Variants in IER5 observed in about 807,000 individuals in gnomAD.
IER5 encodes the protein immediate early response gene 5 protein.
In IER5, 3 loss-of-function variants were observed where a neutral mutation model predicts 8.2. The ratio of observed to expected loss-of-function variants is 0.36; its 90% CI spans 0.17 to 0.94. The LOEUF is 0.94. Among genes scored for constraint, IER5 ranks in the 40% least tolerant of loss-of-function variants. The pLI is 0.43. For missense variants in IER5, 531 were observed against 494.3 expected (o/e 1.07, Z -0.70); for synonymous variants, 286 against 230.1 (o/e 1.24, Z -2.20).
chr1:181,089,791 A>G lies in IER5; in HGVS notation c.889A>G (p.Ser297Gly). The G allele has an allele frequency of 6.2e-7, 1 of 1,613,524 alleles. No individual in the cohort carries two copies. The highest frequency in any genetic ancestry group is 8.5e-7 in the Non-Finnish European group (1 of 1,179,870). The change falls in exon 1 of 1, where the codon AGC becomes GGC. Residue 297 changes from serine to glycine, a missense_variant. Ser to Gly is a moderately conservative substitution (Grantham distance 56). Transcript: ENST00000367577. ...CAGAGAGGAAGAGGAGGGAGAGGAG[A>G]GCGGTCCGGAAGCCGCCGAGCCCGG... is the stretch of plus-strand genomic sequence containing the variant. ...GGREEEEGEE[S>G]GPEAAEPGQI...
Position 181,089,504 on chromosome 1 carries a change from C to A in IER5, c.602C>A (p.Pro201Gln), listed in dbSNP as rs759161625. Residue 201 changes from proline to glutamine, a missense_variant, in exon 1 of 1, where the codon CCG becomes CAG. Transcript: ENST00000367577. ...CCCCGCGCTGCCTGCTGCTGCGCGC[C>A]GCAACCAGCGGAGGACGAGCCCCCC... is the stretch of plus-strand genomic sequence containing the variant. Reference protein sequence around the residue: ...ATPRAACCCAPQPAEDEPPAP... With the variant: ...ATPRAACCCAQQPAEDEPPAP... 1 of 1,313,886 alleles carries A rather than the reference C, an allele frequency of 7.6e-7. No individual in the cohort carries two copies. Among genetic ancestry groups the A allele is most frequent in the Non-Finnish European group, 9.7e-7 (1 of 1,029,150 alleles). 81.4% of individuals were successfully genotyped at this position (1,313,886 alleles called of 1,614,324 possible).
rs1428219446 is a variant in IER5 at position 181,090,304 on chromosome 1, C to CT, written c.*421dup. 1 of 217,932 alleles carries CT rather than the reference C, an allele frequency of 4.6e-6. No individual in the cohort carries two copies. Among genetic ancestry groups the CT allele is most frequent in the Non-Finnish European group, 1.0e-5 (1 of 99,362 alleles). 13.5% of individuals were successfully genotyped at this position (217,932 alleles called of 1,614,324 possible). A position where few individuals can be genotyped will look rare whatever the true frequency, so the allele number is the denominator to read the frequency against. ...CATTCGTTCTCCGGGGAGGGAGGGA[C>CT]TTTACACCTACCCCTCACCGGAAAG... On this transcript the variant is annotated 3_prime_UTR_variant, in exon 1 of 1. Coordinates refer to ENST00000367577, the MANE Select transcript of IER5 (RefSeq NM_016545.5).
In IER5 at chr1:181,089,320, G is replaced by C. The variant is rs1390405591; in HGVS notation, c.418G>C (p.Ala140Pro). The stretch of plus-strand genomic sequence containing the variant: ...CGGAGAGGCGGACGCGACGGAAGCT[G>C]CCTGGAGCCGCGTGGAGGGGCCGCG... Reference protein sequence around the residue: ...QGGEADATEAAWSRVEGPRQA... With the variant: ...QGGEADATEAPWSRVEGPRQA... Residue 140 changes from alanine (A) to proline (P), a missense_variant, in exon 1 of 1, where the codon GCC (alanine) becomes CCC (proline). Coordinates refer to ENST00000367577, the MANE Select transcript of IER5 (RefSeq NM_016545.5). The C allele has an allele frequency of 1.3e-6, 2 of 1,543,458 alleles. No homozygotes were observed. Among genetic ancestry groups the C allele is most frequent in the Admixed American group, 3.9e-5 (2 of 51,002 alleles).
At position 181,090,208 on chromosome 1, in the gene IER5, C is replaced by A; in HGVS notation, c.*322C>A. Reference sequence around the variant, plus strand: ...TCCCCAGGGTTTAAGAGATTGGGGGCAGACAGGGACTTTCCTCTGCCGGCT... The same window carrying A: ...TCCCCAGGGTTTAAGAGATTGGGGGAAGACAGGGACTTTCCTCTGCCGGCT... On this transcript the variant is annotated 3_prime_UTR_variant, in exon 1 of 1. Coordinates refer to ENST00000367577, the MANE Select transcript of IER5 (RefSeq NM_016545.5). 1 of 350,284 alleles carries A rather than the reference C, an allele frequency of 2.9e-6. No individual in the cohort carries two copies. Among genetic ancestry groups the A allele is most frequent in the Non-Finnish European group, 5.5e-6 (1 of 183,086 alleles). 21.7% of individuals were successfully genotyped at this position (350,284 alleles called of 1,614,324 possible).
Position 181,092,058 on chromosome 1 carries a change from T to C in IER5, c.*2172T>C, listed in dbSNP as rs1483331098. 6.6e-6 allele frequency: 1 copy of C among 152,192 alleles called. No homozygotes were observed. The highest frequency in any genetic ancestry group is 1.9e-4 in the East Asian group (1 of 5,204). The allele number at this position is 152,192 out of a possible 1,614,324, so 9.4% of individuals were successfully genotyped here. ...CTGACTTTTTCTTTCAGAAAGTAGC[T>C]ACTTAAATTCTGTTACAGCTACAAA... On this transcript the variant is annotated 3_prime_UTR_variant, in exon 1 of 1. Coordinates refer to ENST00000367577, the MANE Select transcript of IER5 (RefSeq NM_016545.5).
rs1184046064 is a variant in IER5, at chr1:181,092,126, A to C, written c.*2240A>C. The C allele has an allele frequency of 3.3e-5, 5 of 152,334 alleles. No homozygotes were observed. Among genetic ancestry groups the C allele is most frequent in the South Asian group, 4.1e-4 (2 of 4,828 alleles). 9.4% of individuals were successfully genotyped at this position (152,334 alleles called of 1,614,324 possible). A position where few individuals can be genotyped will look rare whatever the true frequency, so the allele number is the denominator to read the frequency against. ...ACTGCTTAAACTGAAGAAGGTGTCC[A>C]GGGCCTTAATTCTGCAAACATTTCC... On this transcript the variant is annotated 3_prime_UTR_variant, in exon 1 of 1. Coordinates refer to ENST00000367577, the MANE Select transcript of IER5 (RefSeq NM_016545.5).
chr1:181,089,143 G>A lies in IER5; in HGVS notation c.241G>A (p.Ala81Thr), dbSNP rs1229838874. 3 of 1,399,872 alleles carry A rather than the reference G, an allele frequency of 2.1e-6. No individual in the cohort carries two copies. Among genetic ancestry groups the A allele is most frequent in the Admixed American group, 7.3e-5 (2 of 27,460 alleles). The allele number at this position is 1,399,872 out of a possible 1,614,324, so 86.7% of individuals were successfully genotyped here. A position where few individuals can be genotyped will look rare whatever the true frequency, so the allele number is the denominator to read the frequency against. ...QPGEPAAGPP[A>T]GWGEPPPPAA... ...CGGGGAGCCGGCGGCCGGGCCACCC[G>A]CCGGCTGGGGAGAGCCGCCCCCGCC... The change falls in exon 1 of 1, where the codon GCC (alanine) becomes ACC (threonine). Residue 81 changes from alanine (A) to threonine (T), a missense_variant. Ala to Thr is a moderately conservative substitution (Grantham distance 58, BLOSUM62 0). Coordinates refer to ENST00000367577, the MANE Select transcript of IER5 (RefSeq NM_016545.5).
chr1:181,089,427 C>A lies in IER5; in HGVS notation c.525C>A (p.Pro175=). 7.1e-7 allele frequency: 1 copy of A among 1,402,108 alleles called. No homozygotes were observed. The allele number at this position is 1,402,108 out of a possible 1,614,324, so 86.9% of individuals were successfully genotyped here. Reference sequence around the variant, plus strand: ...AGGTATCTCGTGCCGCGCGCCGCCCCTGCGGCTGCCCCCTAGGCGGGGAGG... The same window carrying A: ...AGGTATCTCGTGCCGCGCGCCGCCCATGCGGCTGCCCCCTAGGCGGGGAGG... ...FPEVSRAARR[P]CGCPLGGEDP... Residue 175 remains proline, a synonymous_variant, in exon 1 of 1, where the codon CCC becomes CCA. Coordinates refer to ENST00000367577, the MANE Select transcript of IER5 (RefSeq NM_016545.5).
At position 181,089,894 on chromosome 1, in the gene IER5, G is replaced by GC; in HGVS notation, c.*14dup. The stretch of plus-strand genomic sequence containing the variant: ...GCCATCGTGGCCTTCTGAGCCCTTG[G>GC]CCCCCCTGCGGGGAGGAGGTGGAGC... On this transcript the variant is annotated 3_prime_UTR_variant, in exon 1 of 1. Transcript: ENST00000367577. 5 of 1,609,998 alleles carry GC rather than the reference G, an allele frequency of 3.1e-6. No homozygotes were observed. Among genetic ancestry groups the GC allele is most frequent in the Non-Finnish European group, 4.2e-6 (5 of 1,179,208 alleles).
chr1:181,091,710 C>T lies in IER5; in HGVS notation c.*1824C>T, dbSNP rs1659483714. Reference sequence around the variant, plus strand: ...GAATGGTGTTTATTAAAATACGGTACAGTTGCCAGGACTTTAAAAGATGGT... The same window carrying T: ...GAATGGTGTTTATTAAAATACGGTATAGTTGCCAGGACTTTAAAAGATGGT... On this transcript the variant is annotated 3_prime_UTR_variant, in exon 1 of 1. Transcript: ENST00000367577. The T allele has an allele frequency of 6.6e-6, 1 of 152,172 alleles. No individual in the cohort carries two copies. Among genetic ancestry groups the T allele is most frequent in the African/African-American group, 2.4e-5 (1 of 41,434 alleles). The allele number at this position is 152,172 out of a possible 1,614,324, so 9.4% of individuals were successfully genotyped here.
At position 181,092,865 on chromosome 1, in the gene IER5, GAA is replaced by G. The variant is rs1009806601; in HGVS notation, c.*2982_*2983del. On this transcript the variant is annotated 3_prime_UTR_variant, in exon 1 of 1. Transcript: ENST00000367577. ...GTCAAAGATTTGTGTGTATTTGTAA[GAA>G]AAGAGGAGAATGGAGAATCTATTTT... 4 of 152,212 alleles carry G rather than the reference GAA, an allele frequency of 2.6e-5. No homozygotes were observed. The highest frequency in any genetic ancestry group is 2.0e-4 in the Admixed American group (3 of 15,286). The allele number at this position is 152,212 out of a possible 1,614,324, so 9.4% of individuals were successfully genotyped here. A position where few individuals can be genotyped will look rare whatever the true frequency, so the allele number is the denominator to read the frequency against.
Position 181,089,967 on chromosome 1 carries a change from C to T in IER5, c.*81C>T, listed in dbSNP as rs1469869143. On this transcript the variant is annotated 3_prime_UTR_variant, in exon 1 of 1. Transcript: ENST00000367577. ...GCCAGGCCCTTCCCGGCTGCGAGGA[C>T]GCCCAGAGACCGCGGGCGCTGAGCG... The T allele has an allele frequency of 3.9e-6, 6 of 1,527,096 alleles. No homozygotes were observed. Among genetic ancestry groups the T allele is most frequent in the Non-Finnish European group, 5.3e-6 (6 of 1,137,090 alleles). The allele number at this position is 1,527,096 out of a possible 1,614,324, so 94.6% of individuals were successfully genotyped here.
chr1:181,089,478 C>G lies in IER5; in HGVS notation c.576C>G (p.Thr192=). The G allele has an allele frequency of 7.4e-7, 1 of 1,345,710 alleles. No homozygotes were observed. Among genetic ancestry groups the G allele is most frequent in the Non-Finnish European group, 9.5e-7 (1 of 1,047,970 alleles). 83.4% of individuals were successfully genotyped at this position (1,345,710 alleles called of 1,614,324 possible). The change falls in exon 1 of 1, where the codon ACC becomes ACG. Residue 192 remains threonine (T), a synonymous_variant. Coordinates refer to ENST00000367577, the MANE Select transcript of IER5 (RefSeq NM_016545.5). ...GEDPPGTPAA[T]PRAACCCAPQ... is the part of the protein sequence containing the mutation. ...ACCCGCCGGGTACACCGGCCGCGACCCCCCGCGCTGCCTGCTGCTGCGCGC... is the reference window on the plus strand; with the variant it reads ...ACCCGCCGGGTACACCGGCCGCGACGCCCCGCGCTGCCTGCTGCTGCGCGC...
rs1328199182 is a variant in IER5, at chr1:181,091,001, C to A, written c.*1115C>A. On this transcript the variant is annotated 3_prime_UTR_variant, in exon 1 of 1. Transcript: ENST00000367577. ...ACTCCACTAAGTATCAAGAGAGACA[C>A]GTTTAATTTTTCCTCCTAGATCAGA... is the stretch of plus-strand genomic sequence containing the variant. The A allele has an allele frequency of 6.6e-6, 1 of 152,076 alleles. No individual in the cohort carries two copies. Among genetic ancestry groups the A allele is most frequent in the South Asian group, 2.1e-4 (1 of 4,828 alleles). The allele number at this position is 152,076 out of a possible 1,614,324, so 9.4% of individuals were successfully genotyped here.
At position 181,089,612 on chromosome 1, in the gene IER5, C is replaced by T. The variant is rs1280807135; in HGVS notation, c.710C>T (p.Thr237Ile). The T allele has an allele frequency of 6.2e-7, 1 of 1,610,318 alleles. No homozygotes were observed. The highest frequency in any genetic ancestry group is 8.5e-7 in the Non-Finnish European group (1 of 1,179,182). The part of the protein sequence containing the change: ...GPAGCPAPGS[T>I]PLKKPRRNLE... ...GCGGGCTGCCCGGCGCCCGGCTCGA[C>T]CCCGCTCAAGAAGCCCCGCCGGAAC... Residue 237 changes from threonine (T) to isoleucine (I), a missense_variant, in exon 1 of 1, where the codon ACC becomes ATC. Physicochemically the swap from Thr to Ile is moderately conservative, Grantham distance 89 (BLOSUM62 -1). Coordinates refer to ENST00000367577, the MANE Select transcript of IER5 (RefSeq NM_016545.5).
At position 181,091,952 on chromosome 1, in the gene IER5, AGG is replaced by A. The variant is rs946290956; in HGVS notation, c.*2068_*2069del. On this transcript the variant is annotated 3_prime_UTR_variant, in exon 1 of 1. Transcript: ENST00000367577. ...AATCTATTAGTGGTTCCTTAAGCAT[AGG>A]GAACTTTGTACTTTATGCTCTGTCG... is the stretch of plus-strand genomic sequence containing the variant. 4 of 152,350 alleles carry A rather than the reference AGG, an allele frequency of 2.6e-5. No individual in the cohort carries two copies. Among genetic ancestry groups the A allele is most frequent in the East Asian group, 3.9e-4 (2 of 5,190 alleles). 9.4% of individuals were successfully genotyped at this position (152,350 alleles called of 1,614,324 possible). A position where few individuals can be genotyped will look rare whatever the true frequency, so the allele number is the denominator to read the frequency against.
chr1:181,090,105 GTGTTTGTGTA>G lies in IER5; in HGVS notation c.*223_*232del. 7 of 624,538 alleles carry G rather than the reference GTGTTTGTGTA, an allele frequency of 1.1e-5. No individual in the cohort carries two copies. In the South Asian group the frequency reaches 1.3e-4, roughly 11 times the overall value. The allele number at this position is 624,538 out of a possible 1,614,324, so 38.7% of individuals were successfully genotyped here. A position where few individuals can be genotyped will look rare whatever the true frequency, so the allele number is the denominator to read the frequency against. On this transcript the variant is annotated 3_prime_UTR_variant, in exon 1 of 1. Transcript: ENST00000367577. ...TGGAAGAGGACGATCGTTAACTTTT[GTGTTTGTGTA>G]TGTCTGTGTATGTAAGTTTGTCTTG...
chr1:181,090,305 T>G lies in IER5; in HGVS notation c.*419T>G. On this transcript the variant is annotated 3_prime_UTR_variant, in exon 1 of 1. Transcript: ENST00000367577. ...ATTCGTTCTCCGGGGAGGGAGGGAC[T>G]TTACACCTACCCCTCACCGGAAAGC... 1 of 217,028 alleles carries G rather than the reference T, an allele frequency of 4.6e-6. No individual in the cohort carries two copies. The highest frequency in any genetic ancestry group is 6.5e-5 in the South Asian group (1 of 15,498). 13.4% of individuals were successfully genotyped at this position (217,028 alleles called of 1,614,324 possible).
chr1:181,089,476 A>AC lies in IER5; in HGVS notation c.580dup (p.Arg194ProfsTer75). ...GGACCCGCCGGGTACACCGGCCGCG[A>AC]CCCCCCGCGCTGCCTGCTGCTGCGC... On this transcript the variant is annotated frameshift_variant, in exon 1 of 1. Transcript: ENST00000367577. LOFTEE classifies it high-confidence loss of function. 7.5e-7 allele frequency: 1 copy of AC among 1,339,022 alleles called. No individual in the cohort carries two copies. Among genetic ancestry groups the AC allele is most frequent in the Non-Finnish European group, 9.6e-7 (1 of 1,044,982 alleles). The allele number at this position is 1,339,022 out of a possible 1,614,324, so 82.9% of individuals were successfully genotyped here.
Sources: allele counts gnomAD v4.1 joint callset, GRCh38; gene constraint gnomAD v4.1.1; transcripts MANE v1.5; gene names NCBI Gene and HGNC (gene_info 2026-07-23, HGNC 2026-07-21).